SNCAIP: variants seen among roughly 807,000 people sequenced by gnomAD.
SNCAIP encodes the protein synphilin-1.
SNCAIP carries 43 observed loss-of-function variants against 86.7 expected under a neutral mutation model. The ratio of observed to expected loss-of-function variants is 0.50; its 90% CI spans 0.39 to 0.64. The LOEUF (loss-of-function observed/expected upper bound fraction) is 0.64. SNCAIP is among the 30% of genes least tolerant of loss of function. The pLI, the probability that SNCAIP is intolerant of heterozygous loss-of-function variation, is 0.00. For synonymous variants in SNCAIP, 417 were observed against 427.2 expected (o/e 0.98, Z 0.29); for missense variants, 981 against 1,103.1 (o/e 0.89, Z 1.57).
At chr5:122,343,456 C>G (rs567422981) in intron 1 of SNCAIP, among the ~76,000 whole-genome samples, 24 of 152,142 alleles carry the variant, frequency 1.6e-4, no homozygotes, top group Non-Finnish European at 3.2e-4. Context: ...CATCAGTATG[C>G]CTTTTATATG....
At chr5:122,418,570 G>A (rs369950933) in intron 3 of SNCAIP, among the ~76,000 whole-genome samples, 6 of 152,076 alleles carry the variant, frequency 3.9e-5, no homozygotes, top group African/African-American at 1.2e-4. Flanking sequence ...GCTTATGAAC[G>A]TCTCTGAGCC....
intron 1 of SNCAIP, among the ~76,000 whole-genome samples, chr5:122,339,568 A>AATCAATTATTG (rs1160344678): frequency 6.6e-6 from 1 of 152,142 alleles, no homozygotes; most frequent in Non-Finnish European, 1.5e-5. Context: ...ATTGGTCCAA[A>AATCAATTATTG]ATTGGACACC....
intron 3 of SNCAIP, among the ~76,000 whole-genome samples, chr5:122,404,393 G>T (rs1772520768): frequency 6.6e-6 from 1 of 152,052 alleles, no homozygotes; most frequent in Non-Finnish European, 1.5e-5. Context: ...GAGAATTATG[G>T]CATATAGATG....
At chr5:122,391,212 G>A (rs1769272979) in intron 2 of SNCAIP, 21 bp downstream of exon 2, 1 of 1,545,344 alleles carries the variant, frequency 6.5e-7, no homozygotes, top group African/African-American at 1.4e-5. Context: ...CTGTATACAA[G>A]AAATGCTTTC....
intron 3 of SNCAIP, among the ~76,000 whole-genome samples, chr5:122,407,631 G>C (rs994965649): frequency 6.6e-6 from 1 of 152,138 alleles, no homozygotes; most frequent in Non-Finnish European, 1.5e-5. Context: ...AAGCAAATGG[G>C]TAAAATGCTG....
At chr5:122,420,644 T>C (rs1226297142) in intron 3 of SNCAIP, among the ~76,000 whole-genome samples, 4 of 152,162 alleles carry the variant, frequency 2.6e-5, no homozygotes, top group Non-Finnish European at 5.9e-5. Flanking sequence ...ATTAAAGGCA[T>C]ATTTGCATCT....
chr5:122,365,031 AT>A (rs1762884752), intron 1 of SNCAIP, among the ~76,000 whole-genome samples: 1 of 152,220 alleles, frequency 6.6e-6, no homozygotes, highest in Non-Finnish European at 1.5e-5. Context: ...CATAAAATGA[AT>A]CTCAAAAGAA....
Position 122,423,874 on chromosome 5 carries a change from A to T in SNCAIP, c.1002+135A>T, listed in dbSNP as rs372275719. ...ATCTTTACTTGTGGCTTTAGTTGGG[A>T]GATGTGACCTTTTGAGTTTTAAAAT... On this transcript the variant is annotated intron_variant, in intron 4 of 10. Coordinates refer to ENST00000261368, the MANE Select transcript of SNCAIP (RefSeq NM_005460.4). 58 of 746,190 alleles carry T rather than the reference A, an allele frequency of 7.8e-5. No homozygotes were observed. The South Asian group carries it at 1.0e-3, about 13-fold the overall frequency. 46.2% of individuals were successfully genotyped at this position (746,190 alleles called of 1,614,324 possible).
intron 3 of SNCAIP, among the ~76,000 whole-genome samples, chr5:122,409,372 C>T (rs1773661735): frequency 6.6e-6 from 1 of 152,196 alleles, no homozygotes; most frequent in Non-Finnish European, 1.5e-5. Context: ...ATTCTTTCAA[C>T]ATCTGTATCT....
intron 1 of SNCAIP, among the ~76,000 whole-genome samples, chr5:122,390,324 G>A (rs1185161976): frequency 6.6e-6 from 1 of 152,142 alleles, no homozygotes; most frequent in Non-Finnish European, 1.5e-5. Context: ...CGCTGATGGG[G>A]ATGATGATAA....
chr5:122,450,686 T>C lies in SNCAIP; in HGVS notation c.1839T>C (p.Asp613=). 1 of 1,614,170 alleles carries C rather than the reference T, an allele frequency of 6.2e-7. No individual in the cohort carries two copies. The highest frequency in any genetic ancestry group is 8.5e-7 in the Non-Finnish European group (1 of 1,180,022). The change falls in exon 10 of 11, where the codon GAT becomes GAC. Residue 613 remains aspartate, a synonymous_variant. Coordinates refer to ENST00000261368, the MANE Select transcript of SNCAIP (RefSeq NM_005460.4). ...GCCGGGCTAGACCCAAAGCAAAAGA[T>C]GAAGATTCTGATAAAATCTTACGCC... ...ASSRARPKAK[D]EDSDKILRQL... is the part of the protein sequence containing the mutation.
At chr5:122,325,157 G>A (rs1223047177) in intron 1 of SNCAIP, among the ~76,000 whole-genome samples, 1 of 152,062 alleles carries the variant, frequency 6.6e-6, no homozygotes, top group East Asian at 1.9e-4. Flanking sequence ...GATAAAATAA[G>A]ACTAGTGGAT....
At chr5:122,404,772 GA>G (rs1279321876) in intron 3 of SNCAIP, among the ~76,000 whole-genome samples, 1 of 152,136 alleles carries the variant, frequency 6.6e-6, no homozygotes, top group African/African-American at 2.4e-5. Flanking sequence ...CTTTCTAATG[GA>G]AAGGATTTTT....
intron 4 of SNCAIP, 87 bp from the exon 5 acceptor site, chr5:122,425,265 T>A (rs1777127824): frequency 9.9e-7 from 1 of 1,010,120 alleles, no homozygotes; most frequent in Non-Finnish European, 1.6e-6. Context: ...TAAGCTCATT[T>A]CTTCTTTCCA....
Position 122,463,506 on chromosome 5 carries a change from T to C in SNCAIP, c.*10T>C, listed in dbSNP as rs1420844359. ...TTCTGCTTAGGCATAATGACATCAA[T>C]AGAAAAATGAAGAAATCCTACAGCA... On this transcript the variant is annotated 3_prime_UTR_variant, in exon 11 of 11. Transcript: ENST00000261368. 2.4e-5 allele frequency: 38 copies of C among 1,603,638 alleles called. No homozygotes were observed. Among genetic ancestry groups the C allele is most frequent in the African/African-American group, 2.7e-5 (2 of 74,672 alleles).
At chr5:122,374,873 C>A (rs1487852157) in intron 1 of SNCAIP, among the ~76,000 whole-genome samples, 1 of 151,978 alleles carries the variant, frequency 6.6e-6, no homozygotes, top group African/African-American at 2.4e-5. Context: ...CATAAATAAT[C>A]TTATGTTGTT....
intron 3 of SNCAIP, among the ~76,000 whole-genome samples, chr5:122,412,879 TC>T (rs1774442556): frequency 2.0e-5 from 3 of 152,232 alleles, no homozygotes; most frequent in South Asian, 4.1e-4. Context: ...TTCCCTGATG[TC>T]CCACATCAAT....
At position 122,451,329 on chromosome 5, in the gene SNCAIP, C is replaced by T; in HGVS notation, c.2482C>T (p.Pro828Ser). 1 of 1,614,144 alleles carries T rather than the reference C, an allele frequency of 6.2e-7. No homozygotes were observed. The highest frequency in any genetic ancestry group is 8.5e-7 in the Non-Finnish European group (1 of 1,180,012). ...FEEPVVQMEQ[P>S]SLELNGEKDK... ...GGAGCCTGTGGTGCAGATGGAGCAG[C>T]CTAGCCTTGAACTGAATGGAGAAAA... is the stretch of plus-strand genomic sequence containing the variant. The change falls in exon 10 of 11, where the codon CCT becomes TCT. Residue 828 changes from proline to serine, a missense_variant. Transcript: ENST00000261368.
Position 122,377,541 on chromosome 5 carries a change from GAT to G in SNCAIP, c.-46-13545_-46-13544del, listed in dbSNP as rs1765617679. 3.4e-5 allele frequency among the ~76,000 whole-genome samples: 5 copies of G among 147,564 alleles called. No homozygotes were observed. The South Asian group carries it at 9.1e-4, about 27-fold the overall frequency. ...GAGAGAAAGAAAGAAAGAGAGATCA[GAT>G]ATTTTTTTTATATACTTTAAGTTTT... On this transcript the variant is annotated intron_variant, in intron 1 of 10. Coordinates refer to ENST00000261368, the MANE Select transcript of SNCAIP (RefSeq NM_005460.4).
Sources: gnomAD v4.1 joint callset for allele counts (sites outside exome capture counted in the v4.1 genomes callset) on GRCh38, gnomAD v4.1.1 for gene constraint, MANE v1.5 for transcripts, NCBI Gene and HGNC (gene_info 2026-07-23, HGNC 2026-07-21) for gene names.